MECOM: variants seen among roughly 807,000 people sequenced by gnomAD.
MECOM encodes the protein MDS1 and EVI1 complex locus, also known as histone-lysine N-methyltransferase MECOM.
MECOM carries 13 observed loss-of-function variants against 116.3 expected under a neutral mutation model. The ratio of observed to expected loss-of-function variants is 0.11; its 90% CI spans 0.07 to 0.18. The LOEUF (loss-of-function observed/expected upper bound fraction) is 0.18. MECOM is among the 10% of genes least tolerant of loss of function. MECOM has a pLI of 1.00. For synonymous variants in MECOM, 528 were observed against 535.2 expected, an observed-to-expected ratio of 0.99 and a Z score of 0.19; for missense variants, 1,299 against 1,509.0, an observed-to-expected ratio of 0.86 and a Z score of 2.31.
chr3:169,453,601 T>C (rs549751917), intron 1 of MECOM, among the ~76,000 whole-genome samples: 1 of 152,342 alleles, frequency 6.6e-6, no homozygotes, highest in East Asian at 1.9e-4. Context: ...ATATCATATA[T>C]GGAGTGTCTG....
At chr3:169,433,850 G>A (rs1742182925) in intron 1 of MECOM, among the ~76,000 whole-genome samples, 1 of 152,142 alleles carries the variant, frequency 6.6e-6, no homozygotes, top group Admixed American at 6.5e-5. Context: ...CCTTTCAAAT[G>A]TTTGAACGCA....
At chr3:169,554,417 T>G (rs1041151866) in intron 1 of MECOM, among the ~76,000 whole-genome samples, 2 of 152,202 alleles carry the variant, frequency 1.3e-5, no homozygotes, top group African/African-American at 4.8e-5. Context: ...TTATTCAAGT[T>G]AAAGAGTTTT....
At chr3:169,460,322 T>C (rs1326943156) in intron 1 of MECOM, among the ~76,000 whole-genome samples, 1 of 152,208 alleles carries the variant, frequency 6.6e-6, no homozygotes, top group Non-Finnish European at 1.5e-5. Flanking sequence ...TTTTTTCTTA[T>C]GTGAATTCTT....
intron 3 of MECOM, among the ~76,000 whole-genome samples, chr3:169,140,064 A>AAC (rs1553854195): frequency 6.6e-6 from 1 of 150,704 alleles, no homozygotes; most frequent in Non-Finnish European, 1.5e-5. Context: ...TGAAAAAAAA[A>AAC]CATTTTTATG....
chr3:169,536,284 G>A lies in MECOM; in HGVS notation c.37+127052C>T, dbSNP rs62295975. On this transcript the variant is annotated intron_variant, in intron 1 of 16. Coordinates refer to ENST00000651503, the MANE Select transcript of MECOM (RefSeq NM_004991.4). Reference sequence around the variant, plus strand: ...ACACAGCAAAATAGTATTATTTTAGGATTAGGACCATATCTGGTGTAAAAG... The same window carrying A: ...ACACAGCAAAATAGTATTATTTTAGAATTAGGACCATATCTGGTGTAAAAG... Among the ~76,000 whole-genome samples the A allele has an allele frequency of 1.9e-3, 286 of 151,074 alleles. 1 individual carries two copies. Among genetic ancestry groups the A allele is most frequent in the South Asian group, 5.4e-3 (26 of 4,780 alleles).
intron 2 of MECOM, among the ~76,000 whole-genome samples, chr3:169,244,553 G>C (rs1047879375): frequency 6.6e-6 from 1 of 152,170 alleles, no homozygotes; most frequent in Admixed American, 6.5e-5. Context: ...CTGCACCCAA[G>C]CTGTGGGGAT....
At chr3:169,572,756 C>T (rs1764056800) in intron 1 of MECOM, among the ~76,000 whole-genome samples, 1 of 151,972 alleles carries the variant, frequency 6.6e-6, no homozygotes, top group African/African-American at 2.4e-5. Context: ...TATATTCTCA[C>T]TCATAAGTGG....
chr3:169,470,837 A>G (rs1749103996), intron 1 of MECOM, among the ~76,000 whole-genome samples: 1 of 152,242 alleles, frequency 6.6e-6, no homozygotes, highest in Non-Finnish European at 1.5e-5. Flanking sequence ...TGTCTATTTT[A>G]AAGATTTAGA....
At position 169,497,903 on chromosome 3, in the gene MECOM, G is replaced by A. The variant is rs139313042; in HGVS notation, c.38-116379C>T. ...AGTTTTGTTTTGTTTTGTTTCTTAGGCCAACATATGCCATATATCCTGTTT... is the reference window on the plus strand; with the variant it reads ...AGTTTTGTTTTGTTTTGTTTCTTAGACCAACATATGCCATATATCCTGTTT... On this transcript the variant is annotated intron_variant, in intron 1 of 16. Coordinates refer to ENST00000651503, the MANE Select transcript of MECOM (RefSeq NM_004991.4). 2.0e-5 allele frequency among the ~76,000 whole-genome samples: 3 copies of A among 152,180 alleles called. No homozygotes were observed. In the East Asian group the frequency reaches 5.8e-4, roughly 29 times the overall value.
chr3:169,188,899 G>A (rs1281290415), intron 2 of MECOM, among the ~76,000 whole-genome samples: 1 of 152,106 alleles, frequency 6.6e-6, no homozygotes, highest in African/African-American at 2.4e-5. Flanking sequence ...TACAAAGGCT[G>A]TGATGAAGTT....
chr3:169,219,082 G>T (rs149048621), intron 2 of MECOM, among the ~76,000 whole-genome samples: 4 of 151,932 alleles, frequency 2.6e-5, no homozygotes, highest in Admixed American at 2.0e-4. Context: ...TCCTCATCTC[G>T]CTATAACAGC....
chr3:169,100,197 C>T (rs1283927695), intron 12 of MECOM, among the ~76,000 whole-genome samples: 2 of 147,828 alleles, frequency 1.4e-5, no homozygotes, highest in African/African-American at 5.0e-5. Context: ...CTCCCAGGTG[C>T]AGTGGATTCT....
chr3:169,108,681 T>A (rs1726275267), intron 9 of MECOM, among the ~76,000 whole-genome samples: 1 of 152,170 alleles, frequency 6.6e-6, no homozygotes, highest in Non-Finnish European at 1.5e-5. Context: ...ATATGTAGTT[T>A]TTAAAGGATG....
intron 1 of MECOM, among the ~76,000 whole-genome samples, chr3:169,543,048 G>C (rs897169177): frequency 1.5e-4 from 23 of 152,170 alleles, no homozygotes; most frequent in Admixed American, 1.2e-3. Flanking sequence ...AGTTCAACTT[G>C]AGAAAACAAC....
At chr3:169,659,959 C>T (rs1356989328) in intron 1 of MECOM, among the ~76,000 whole-genome samples, 1 of 152,112 alleles carries the variant, frequency 6.6e-6, no homozygotes, top group Non-Finnish European at 1.5e-5. Flanking sequence ...TGAGACTTTA[C>T]GAGACTTCTG....
intron 2 of MECOM, among the ~76,000 whole-genome samples, chr3:169,174,016 A>G (rs1248169656): frequency 6.6e-6 from 1 of 152,150 alleles, no homozygotes; most frequent in Non-Finnish European, 1.5e-5. Context: ...TTACTTTGGC[A>G]AATGTCTCTT....
chr3:169,315,173 G>A (rs1422232070), intron 2 of MECOM, among the ~76,000 whole-genome samples: 1 of 152,146 alleles, frequency 6.6e-6, no homozygotes, highest in Non-Finnish European at 1.5e-5. Flanking sequence ...TGAGCCAGCT[G>A]ACAGGGCTTT....
In MECOM at chr3:169,596,285, G is replaced by T. The variant is rs137863531; in HGVS notation, c.37+67051C>A. On this transcript the variant is annotated intron_variant, in intron 1 of 16. Coordinates refer to ENST00000651503, the MANE Select transcript of MECOM (RefSeq NM_004991.4). ...TGTGCCAAGAGCTTTCTGTCCTGGG[G>T]CATATTGGATGAGCACATTCACAGA... Among the ~76,000 whole-genome samples the T allele has an allele frequency of 1.1e-3, 171 of 152,288 alleles. 1 individual carries two copies. The highest frequency in any genetic ancestry group is 4.1e-3 in the African/African-American group (169 of 41,540).
At chr3:169,245,968 T>A (rs1755534808) in intron 2 of MECOM, among the ~76,000 whole-genome samples, 1 of 152,208 alleles carries the variant, frequency 6.6e-6, no homozygotes, top group African/African-American at 2.4e-5. Context: ...CAAGCCTTTT[T>A]TTTCCAAATA....
Sources: allele counts gnomAD v4.1 joint callset (sites outside exome capture counted in the v4.1 genomes callset), GRCh38; gene constraint gnomAD v4.1.1; transcripts MANE v1.5; gene names NCBI Gene and HGNC (gene_info 2026-07-23, HGNC 2026-07-21).